MINK1: variants seen among roughly 807,000 people sequenced by gnomAD.
MINK1 encodes the protein misshapen-like kinase 1.
A neutral mutation model predicts 178.4 loss-of-function variants in MINK1; 46 were observed. That is an observed-to-expected ratio of 0.26 (90% confidence interval 0.20 to 0.33). The LOEUF is 0.33. Among genes scored for constraint, MINK1 ranks in the 10% least tolerant of loss-of-function variants. The pLI is 1.00. For synonymous variants in MINK1, 797 were observed against 709.7 expected (o/e 1.12, Z -1.96); for missense variants, 1,366 against 1,814.9 (o/e 0.75, Z 4.49).
At chr17:4,850,831 A>C (rs1471164474) in intron 1 of MINK1, among the ~76,000 whole-genome samples, 1 of 152,128 alleles carries the variant, frequency 6.6e-6, no homozygotes, top group Non-Finnish European at 1.5e-5. Context: ...AAGCCTTATT[A>C]TTATCCAACC....
Position 4,892,766 on chromosome 17 carries a change from G to C in MINK1, c.2309G>C (p.Gly770Ala), listed in dbSNP as rs748264644. 3.1e-6 allele frequency: 5 copies of C among 1,602,826 alleles called. No individual in the cohort carries two copies. ...GGCTCACTGGAGCGGAACCGCGTGG[G>C]AGGTATGTGAGCCAGGGCTGGGCAG... is the stretch of plus-strand genomic sequence containing the variant. ...QAGSLERNRVGVSSKPDSSPV... is the reference protein window; with the variant it reads ...QAGSLERNRVAVSSKPDSSPV... The change falls in exon 19 of 32, where the codon GGA becomes GCA. Residue 770 changes from glycine (G) to alanine (A), a missense_variant and splice_region_variant. Physicochemically the swap from Gly to Ala is moderately conservative, Grantham distance 60. Coordinates refer to ENST00000355280, the MANE Select transcript of MINK1 (RefSeq NM_153827.5).
chr17:4,885,891 T>TA lies in MINK1; in HGVS notation c.640-20_640-19insA. The TA allele has an allele frequency of 6.2e-7, 1 of 1,613,018 alleles. No individual in the cohort carries two copies. Among genetic ancestry groups the TA allele is most frequent in the Non-Finnish European group, 8.5e-7 (1 of 1,179,168 alleles). ...AGAGTTGTCAGGAATATTCACTTGT[T>TA]CCTTCTTTCCCGTCTATAGAGTGAT... On this transcript the variant is annotated intron_variant, in intron 7 of 31. Coordinates refer to ENST00000355280, the MANE Select transcript of MINK1 (RefSeq NM_153827.5). This position sits in a 1 kb window ranked among gnomAD's most constrained non-coding sequence, Gnocchi z 5.0.
chr17:4,882,712 A>G (rs888082936), intron 4 of MINK1, among the ~76,000 whole-genome samples: 42 of 152,212 alleles, frequency 2.8e-4, no homozygotes, highest in African/African-American at 8.7e-4. Flanking sequence ...ACGTAAACGA[A>G]TGAGTGTGGC....
At position 4,892,649 on chromosome 17, in the gene MINK1, C is replaced by T. The variant is rs201871060; in HGVS notation, c.2199-7C>T. Reference sequence around the variant, plus strand: ...CCTCCCTGACCCTGACTCTGCCCCCCCAACAGTAACCCCGACCTCAGGAGG... The same window carrying T: ...CCTCCCTGACCCTGACTCTGCCCCCTCAACAGTAACCCCGACCTCAGGAGG... On this transcript the variant is annotated splice_region_variant and splice_polypyrimidine_tract_variant and intron_variant, in intron 18 of 31. Transcript: ENST00000355280. 1.5e-5 allele frequency: 24 copies of T among 1,595,792 alleles called. No individual in the cohort carries two copies. The highest frequency in any genetic ancestry group is 1.7e-4 in the Middle Eastern group (1 of 5,986).
chr17:4,858,230 C>G (rs1156904577), intron 1 of MINK1, among the ~76,000 whole-genome samples: 1 of 152,092 alleles, frequency 6.6e-6, no homozygotes, highest in Non-Finnish European at 1.5e-5. Flanking sequence ...CCCTCTTCCT[C>G]TCTGTGTGGG....
At chr17:4,891,152 T>C (rs1968751066) in intron 15 of MINK1, 28 bp downstream of exon 15, 1 of 1,482,112 alleles carries the variant, frequency 6.7e-7, no homozygotes. Flanking sequence ...CCTGTCTTAA[T>C]GAAGACACAG....
chr17:4,890,436 T>C, intron 13 of MINK1, 81 bp from the exon 14 acceptor site: 3 of 1,509,488 alleles, frequency 2.0e-6, no homozygotes, highest in Non-Finnish European at 2.7e-6. Context: ...CTCTAGGCAG[T>C]TGGAGAAAAG....
chr17:4,868,820 A>G, intron 1 of MINK1: 1 of 336,030 alleles, frequency 3.0e-6, no homozygotes. Flanking sequence ...ATCATGGCTT[A>G]CTGCATGCAG....
In MINK1 at chr17:4,836,243, G is replaced by T. The variant is rs191652141; in HGVS notation, c.57+2603G>T. On this transcript the variant is annotated intron_variant, in intron 1 of 31. Transcript: ENST00000355280. This position sits in a 1 kb window ranked among gnomAD's most constrained non-coding sequence, Gnocchi z 4.3. The stretch of plus-strand genomic sequence containing the variant: ...TCAGTATTTATTTGCTGGCCTTAAG[G>T]AGCCCAAGGTGTATTTCTCCTCTTG... Among the ~76,000 whole-genome samples the T allele has an allele frequency of 7.6e-4, 116 of 152,296 alleles. No individual in the cohort carries two copies. Among genetic ancestry groups the T allele is most frequent in the African/African-American group, 2.7e-3 (112 of 41,552 alleles).
chr17:4,848,994 TC>T (rs1911500524), intron 1 of MINK1, among the ~76,000 whole-genome samples: 2 of 152,102 alleles, frequency 1.3e-5, no homozygotes, highest in Admixed American at 6.5e-5. Context: ...AACATTCCTC[TC>T]CCCCTGACTT....
rs1434223847 is a variant in MINK1, at chr17:4,891,023, C to T, written c.1639C>T (p.Pro547Ser). 1.9e-6 allele frequency: 3 copies of T among 1,558,526 alleles called. No homozygotes were observed. The African/African-American group carries it at 4.1e-5, about 21-fold the overall frequency. ...LAKSKPGSTG[P>S]EPPIPQASPG... ...CAAGAGCAAGCCAGGCAGCACGGGG[C>T]CTGAGCCCCCCATCCCCCAGGCCTC... Residue 547 changes from proline (P) to serine (S), a missense_variant, in exon 15 of 32, where the codon CCT (proline) becomes TCT (serine). Around this residue, in one of 14 missense-constraint regions of MINK1, gnomAD observed 709 missense variants for 692.3 expected, o/e 1.02. Transcript: ENST00000355280.
intron 15 of MINK1, 112 bp downstream of exon 15, chr17:4,891,236 G>T (rs937794558): frequency 9.2e-7 from 1 of 1,090,762 alleles, no homozygotes. Context: ...CTGCTCAGCC[G>T]TGAGCCAGGA....
At position 4,895,605 on chromosome 17, in the gene MINK1, C is replaced by G; in HGVS notation, c.3230-93C>G. Reference sequence around the variant, plus strand: ...GGAAGGTGGGGCCACACTTTCTCACCCCTTGTGGTATGCTGACAGAGGAGG... The same window carrying G: ...GGAAGGTGGGGCCACACTTTCTCACGCCTTGTGGTATGCTGACAGAGGAGG... On this transcript the variant is annotated intron_variant, in intron 26 of 31. Coordinates refer to ENST00000355280, the MANE Select transcript of MINK1 (RefSeq NM_153827.5). This position sits in a 1 kb window ranked among gnomAD's most constrained non-coding sequence, Gnocchi z 4.3. The G allele has an allele frequency of 6.4e-7, 1 of 1,558,508 alleles. No individual in the cohort carries two copies. Among genetic ancestry groups the G allele is most frequent in the East Asian group, 2.3e-5 (1 of 43,688 alleles).
In MINK1 at chr17:4,894,700, G is replaced by A. The variant is rs538624866; in HGVS notation, c.2917+67G>A. The A allele has an allele frequency of 1.2e-4, 147 of 1,245,820 alleles. 2 individuals carry two copies. The South Asian group carries it at 1.8e-3, about 15-fold the overall frequency. The allele number at this position is 1,245,820 out of a possible 1,614,324, so 77.2% of individuals were successfully genotyped here. On this transcript the variant is annotated intron_variant, in intron 24 of 31. Coordinates refer to ENST00000355280, the MANE Select transcript of MINK1 (RefSeq NM_153827.5). The surrounding 1 kb of genome is among the most constrained non-coding windows in gnomAD (Gnocchi z 4.1). ...GGGGCAGCCTGGAGGGGAGCACAGT[G>A]GTCTTGAGACGCAGCCTCACAAAGC...
intron 21 of MINK1, 180 bp downstream of exon 21, chr17:4,893,777 C>T: frequency 9.7e-7 from 1 of 1,031,220 alleles, no homozygotes; most frequent in Non-Finnish European, 1.4e-6. Context: ...GTGGGGTGGC[C>T]TCTTCAAGTG....
chr17:4,877,863 T>G (rs1377441390), intron 1 of MINK1, among the ~76,000 whole-genome samples: 1 of 146,454 alleles, frequency 6.8e-6, no homozygotes, highest in East Asian at 2.0e-4. Flanking sequence ...CAGGCTGGAG[T>G]GCAGTGGCGC....
chr17:4,891,806 A>G (rs920144912), intron 16 of MINK1, 90 bp downstream of exon 16: 1 of 1,459,310 alleles, frequency 6.9e-7, no homozygotes, highest in Admixed American at 2.5e-5. Flanking sequence ...ATGGAGGAAG[A>G]GTGCAGGGCG....
At position 4,891,537 on chromosome 17, in the gene MINK1, C is replaced by G; in HGVS notation, c.1822C>G (p.Arg608Gly). 1 of 1,610,448 alleles carries G rather than the reference C, an allele frequency of 6.2e-7. No individual in the cohort carries two copies. The highest frequency in any genetic ancestry group is 8.5e-7 in the Non-Finnish European group (1 of 1,178,716). Residue 608 changes from arginine (R) to glycine (G), a missense_variant, in exon 16 of 32, where the codon CGA becomes GGA. By Grantham distance (125) the Arg-to-Gly change is moderately radical (BLOSUM62 -2). This residue lies in a region of MINK1 where 709 missense variants were observed against 692.3 expected (regional missense o/e 1.02). Coordinates refer to ENST00000355280, the MANE Select transcript of MINK1 (RefSeq NM_153827.5). ...RSQSLQDQPT[R>G]NLAAFPASHD... The stretch of plus-strand genomic sequence containing the variant: ...CCAGTCCCTGCAGGACCAGCCCACC[C>G]GAAACCTGGCTGCCTTCCCAGCCTC...
Position 4,896,381 on chromosome 17 carries a change from A to C in MINK1, c.3615+39A>C. The C allele has an allele frequency of 6.2e-7, 1 of 1,607,696 alleles. No homozygotes were observed. The highest frequency in any genetic ancestry group is 8.5e-7 in the Non-Finnish European group (1 of 1,176,140). ...GGCTGCTGGGGGAGTGGGATGGCCCAGTCTGGGCACCAGACACGGAGACTC... is the reference window on the plus strand; with the variant it reads ...GGCTGCTGGGGGAGTGGGATGGCCCCGTCTGGGCACCAGACACGGAGACTC... On this transcript the variant is annotated intron_variant, in intron 29 of 31. Transcript: ENST00000355280. The surrounding 1 kb of genome is among the most constrained non-coding windows in gnomAD (Gnocchi z 4.6).
Sources: allele counts gnomAD v4.1 joint callset (sites outside exome capture counted in the v4.1 genomes callset), GRCh38; gene constraint gnomAD v4.1.1; regional missense constraint gnomAD v4.1.1; non-coding constraint Gnocchi (gnomAD v3.1); transcripts MANE v1.5; gene names NCBI Gene and HGNC (gene_info 2026-07-23, HGNC 2026-07-21).